Variants in TOMM40 observed in about 807,000 individuals in gnomAD.
The protein encoded by TOMM40 is mitochondrial import receptor subunit TOM40 homolog.
TOMM40 carries 9 observed loss-of-function variants against 38.4 expected under a neutral mutation model. That is an observed-to-expected ratio of 0.23 (90% CI 0.14 to 0.41). The LOEUF is 0.41. Ranked by LOEUF, TOMM40 falls within the 10% of genes least tolerant of loss-of-function variation. The pLI, the probability that TOMM40 is intolerant of heterozygous loss-of-function variation, is 1.00. For synonymous variants in TOMM40, 184 were observed against 210.0 expected (o/e 0.88, Z 1.07); for missense variants, 299 against 486.5 (o/e 0.61, Z 3.63).
At chr19:44,898,631 G>A (rs762127420) in intron 5 of TOMM40, among the ~76,000 whole-genome samples, 4 of 149,040 alleles carry the variant, frequency 2.7e-5, no homozygotes, top group East Asian at 4.1e-4. Flanking sequence ...TCCGCCTCCC[G>A]GGTTCAAGCG....
At position 44,900,822 on chromosome 19, in the gene TOMM40, A is replaced by G. The variant is rs781659128; in HGVS notation, c.736A>G (p.Thr246Ala). 2 of 1,614,080 alleles carry G rather than the reference A, an allele frequency of 1.2e-6. No individual in the cohort carries two copies. Among genetic ancestry groups the G allele is most frequent in the Admixed American group, 1.7e-5 (1 of 60,022 alleles). Residue 246 changes from threonine to alanine, a missense_variant, in exon 6 of 9, where the codon ACT becomes GCT. By Grantham distance (58) the Thr-to-Ala change is moderately conservative (BLOSUM62 0). Transcript: ENST00000426677. ...CCACCGGCGGCCTGGAGAGGAGGGCACTGTCATGTCTCTAGCTGGGAAATA... is the reference window on the plus strand; with the variant it reads ...CCACCGGCGGCCTGGAGAGGAGGGCGCTGTCATGTCTCTAGCTGGGAAATA... The part of the protein sequence containing the change: ...VYHRRPGEEG[T>A]VMSLAGKYTL...
rs1449574753 is a variant in TOMM40 at position 44,892,537 on chromosome 19, A to G, written c.342+77A>G. On this transcript the variant is annotated intron_variant, in intron 2 of 8. Coordinates refer to ENST00000426677, the MANE Select transcript of TOMM40 (RefSeq NM_001128917.2). ...TCCCTGCATCTGCACACTCGGCCCA[A>G]TTACTCCTCCCTCAAGAGCTGGGCT... 19 of 1,353,742 alleles carry G rather than the reference A, an allele frequency of 1.4e-5. No individual in the cohort carries two copies. In the South Asian group the frequency reaches 2.0e-4, roughly 14 times the overall value. The allele number at this position is 1,353,742 out of a possible 1,614,324, so 83.9% of individuals were successfully genotyped here.
rs774921548 is a variant in TOMM40, at chr19:44,892,948, C to T, written c.435+19C>T. ...CACAGAGGTGAGCTTCCTTTTTCAT[C>T]CATTCATTGTATCCTTCTAATAACA... On this transcript the variant is annotated intron_variant, in intron 3 of 8. Transcript: ENST00000426677. The T allele has an allele frequency of 5.6e-6, 9 of 1,596,020 alleles. No homozygotes were observed. The East Asian group carries it at 1.3e-4, about 24-fold the overall frequency.
intron 2 of TOMM40, 28 bp downstream of exon 2, chr19:44,892,488 C>T: frequency 6.2e-7 from 1 of 1,605,906 alleles, no homozygotes; most frequent in East Asian, 2.2e-5. Flanking sequence ...CCTTACCCAC[C>T]AGAGATCGTC....
intron 2 of TOMM40, 30 bp from the exon 3 acceptor site, chr19:44,892,806 AG>A: frequency 6.4e-7 from 1 of 1,566,442 alleles, no homozygotes; most frequent in Non-Finnish European, 8.8e-7. Context: ...CTATCTGTCC[AG>A]TATCGTCACA....
intron 5 of TOMM40, 119 bp from the exon 6 acceptor site, chr19:44,900,599 AAAGGAGCCCTTG>A (rs1969660152): frequency 6.4e-7 from 1 of 1,553,810 alleles, no homozygotes; most frequent in Non-Finnish European, 8.7e-7. Flanking sequence ...GGGTTAGGAG[AAAGGAGCCCTTG>A]AGGGAGGCCT....
intron 7 of TOMM40, 23 bp from the exon 8 acceptor site, chr19:44,901,185 A>G: frequency 1.2e-6 from 2 of 1,613,804 alleles, no homozygotes; most frequent in Non-Finnish European, 1.7e-6. Flanking sequence ...GCTAATTCTC[A>G]TGTGTTGCTC....
At chr19:44,899,404 G>A (rs1969634396) in intron 5 of TOMM40, among the ~76,000 whole-genome samples, 1 of 152,014 alleles carries the variant, frequency 6.6e-6, no homozygotes, top group Admixed American at 6.6e-5. Flanking sequence ...CACTATCATG[G>A]CTCACTGCAG....
At chr19:44,900,320 C>T (rs577083216) in intron 5 of TOMM40, among the ~76,000 whole-genome samples, 32 of 152,326 alleles carry the variant, frequency 2.1e-4, no homozygotes, top group African/African-American at 7.7e-4. Context: ...TATTTACCCA[C>T]TCTACCCAAT....
At chr19:44,902,386 G>C (rs1243877553) in intron 8 of TOMM40, 1 of 152,158 alleles carries the variant, frequency 6.6e-6, no homozygotes, top group Non-Finnish European at 1.5e-5. Context: ...TGATAGTTTT[G>C]GGAGACATGG....
intron 1 of TOMM40, among the ~76,000 whole-genome samples, chr19:44,892,056 G>A (rs773396362): frequency 2.5e-4 from 38 of 152,206 alleles, no homozygotes; most frequent in East Asian, 1.9e-4. Context: ...CCAGCCTGGA[G>A]CAATTAGAGT....
At position 44,892,940 on chromosome 19, in the gene TOMM40, T is replaced by C. The variant is rs1230390873; in HGVS notation, c.435+11T>C. On this transcript the variant is annotated intron_variant, in intron 3 of 8. Transcript: ENST00000426677. ...CTGAGTCCCACAGAGGTGAGCTTCC[T>C]TTTTCATCCATTCATTGTATCCTTC... is the stretch of plus-strand genomic sequence containing the variant. The C allele has an allele frequency of 6.2e-7, 1 of 1,604,100 alleles. No homozygotes were observed. Among genetic ancestry groups the C allele is most frequent in the Non-Finnish European group, 8.5e-7 (1 of 1,172,326 alleles).
chr19:44,893,031 G>T, intron 3 of TOMM40, 102 bp downstream of exon 3: 2 of 884,078 alleles, frequency 2.3e-6, no homozygotes, highest in Non-Finnish European at 3.5e-6. Context: ...CACAGCTACC[G>T]AGAGCCTGGA....
intron 5 of TOMM40, among the ~76,000 whole-genome samples, chr19:44,898,168 A>G (rs1002926039): frequency 1.3e-5 from 2 of 151,928 alleles, no homozygotes; most frequent in Non-Finnish European, 2.9e-5. Flanking sequence ...AGCTCCACCC[A>G]GCCATGCCTG....
chr19:44,893,664 G>A (rs1427650274), intron 3 of TOMM40, 116 bp from the exon 4 acceptor site: 33 of 794,512 alleles, frequency 4.2e-5, no homozygotes, highest in Non-Finnish European at 5.7e-5. Flanking sequence ...AGAGCACTTC[G>A]TGGAGGAGGG....
In TOMM40 at chr19:44,900,715, T is replaced by C; in HGVS notation, c.644-15T>C. The C allele has an allele frequency of 6.2e-7, 1 of 1,611,998 alleles. No homozygotes were observed. Among genetic ancestry groups the C allele is most frequent in the South Asian group, 1.1e-5 (1 of 90,976 alleles). On this transcript the variant is annotated splice_polypyrimidine_tract_variant and intron_variant, in intron 5 of 8. Transcript: ENST00000426677. The stretch of plus-strand genomic sequence containing the variant: ...ACTCAGGGTGGGTGGAAACTGATCG[T>C]CATTTTGCCCACAGGAATCCTCGTA...
intron 5 of TOMM40, among the ~76,000 whole-genome samples, chr19:44,894,294 C>T (rs1969525239): frequency 8.3e-6 from 1 of 121,106 alleles, no homozygotes; most frequent in Non-Finnish European, 1.6e-5. Context: ...TGGAGTCTTG[C>T]TTTATCACCC....
chr19:44,900,976 T>G, intron 6 of TOMM40, 52 bp from the exon 7 acceptor site: 1 of 1,612,096 alleles, frequency 6.2e-7, no homozygotes, highest in East Asian at 2.2e-5. Flanking sequence ...GGTTCCCAGA[T>G]GCCCAAATCC....
At chr19:44,896,050 T>C (rs1969558935) in intron 5 of TOMM40, among the ~76,000 whole-genome samples, 1 of 152,204 alleles carries the variant, frequency 6.6e-6, no homozygotes, top group Non-Finnish European at 1.5e-5. Context: ...TAAGGGCACA[T>C]GGCCAGTGGG....
Sources: gnomAD v4.1 joint callset for allele counts (sites outside exome capture counted in the v4.1 genomes callset) on GRCh38, gnomAD v4.1.1 for gene constraint, MANE v1.5 for transcripts, NCBI Gene and HGNC (gene_info 2026-07-23, HGNC 2026-07-21) for gene names.